RBFOX3: variants seen among roughly 807,000 people sequenced by gnomAD.
RBFOX3 encodes the protein RNA binding protein fox-1 homolog 3.
In RBFOX3, 17 loss-of-function variants were observed where a neutral mutation model predicts 48.7. The observed-to-expected ratio is 0.35, with a 90% CI of 0.24 to 0.52. RBFOX3 has a LOEUF of 0.52. RBFOX3 is among the 20% of genes least tolerant of loss of function. The pLI, the probability that RBFOX3 is intolerant of heterozygous loss-of-function variation, is 0.94. For synonymous variants in RBFOX3, 212 were observed against 209.5 expected, an observed-to-expected ratio of 1.01 and a Z score of -0.10; for missense variants, 382 against 497.5, an observed-to-expected ratio of 0.77 and a Z score of 2.21.
At chr17:79,556,916 C>A (rs1432412945) in intron 1 of RBFOX3, among the ~76,000 whole-genome samples, 1 of 152,070 alleles carries the variant, frequency 6.6e-6, no homozygotes, top group African/African-American at 2.4e-5. Context: ...GGGCTTTCCA[C>A]GTCTGTCTCC....
At chr17:79,095,430 G>T in intron 13 of RBFOX3, 83 bp downstream of exon 13, 1 of 1,292,676 alleles carries the variant, frequency 7.7e-7, no homozygotes, top group Non-Finnish European at 1.1e-6. Flanking sequence ...TACGCCTCCT[G>T]CCTGTCTGGG....
At chr17:79,302,168 G>A (rs2075412582) in intron 3 of RBFOX3, among the ~76,000 whole-genome samples, 1 of 152,292 alleles carries the variant, frequency 6.6e-6, no homozygotes, top group African/African-American at 2.4e-5. Context: ...CACCCACTGA[G>A]CTCTCACTGC....
intron 2 of RBFOX3, among the ~76,000 whole-genome samples, chr17:79,333,041 A>G: frequency 6.6e-6 from 1 of 151,900 alleles, no homozygotes; most frequent in East Asian, 1.9e-4. Flanking sequence ...AGAGACATAT[A>G]GATAGACAGA....
intron 3 of RBFOX3, among the ~76,000 whole-genome samples, chr17:79,241,123 G>A (rs1431011096): frequency 2.0e-5 from 3 of 151,794 alleles, no homozygotes; most frequent in Non-Finnish European, 4.4e-5. Flanking sequence ...CTACAGGCAA[G>A]CACCAACATG....
At position 79,436,705 on chromosome 17, in the gene RBFOX3, G is replaced by T. The variant is rs190005192; in HGVS notation, c.-175+45749C>A. ...GCCTGCTTATGTTTTAAAGGGGGAA[G>T]AAAGAAGAAAGCTCAGGACCTGAGT... is the stretch of plus-strand genomic sequence containing the variant. On this transcript the variant is annotated intron_variant, in intron 2 of 14. Transcript: ENST00000693108. 3.5e-3 allele frequency among the ~76,000 whole-genome samples: 529 copies of T among 152,262 alleles called. 4 individuals are homozygous for T. The highest frequency in any genetic ancestry group is 0.012 in the African/African-American group (507 of 41,534).
At chr17:79,112,083 C>G (rs2031858406) in intron 5 of RBFOX3, among the ~76,000 whole-genome samples, 1 of 152,208 alleles carries the variant, frequency 6.6e-6, no homozygotes, top group African/African-American at 2.4e-5. Flanking sequence ...CAGGAAGGAG[C>G]CTCCGTATTT....
chr17:79,654,259 A>C, the RBFOX3 span, among the ~76,000 whole-genome samples: 1 of 152,140 alleles, frequency 6.6e-6, no homozygotes, highest in South Asian at 2.1e-4. Flanking sequence ...CCAGTCTCTG[A>C]CCAGCTTTCG....
rs142152934 is a variant in RBFOX3 at position 79,159,423 on chromosome 17, C to T, written c.-33-43675G>A. Among the ~76,000 whole-genome samples, 817 of 152,290 alleles carry T rather than the reference C, an allele frequency of 5.4e-3. 6 individuals are homozygous for T. The highest frequency in any genetic ancestry group is 0.019 in the African/African-American group (780 of 41,564). ...CCAATGCCCCCGGCTTAGCCCAAGC[C>T]GCACAGGAAAGCCATCCTGTGGACC... On this transcript the variant is annotated intron_variant, in intron 4 of 14. Coordinates refer to ENST00000693108, the MANE Select transcript of RBFOX3 (RefSeq NM_001350451.2).
At chr17:79,267,783 T>C (rs1419367964) in intron 3 of RBFOX3, among the ~76,000 whole-genome samples, 3 of 152,108 alleles carry the variant, frequency 2.0e-5, no homozygotes, top group Non-Finnish European at 4.4e-5. Context: ...AGAGACCTCC[T>C]GAGTCATGGA....
chr17:79,175,805 G>A (rs528553957), intron 4 of RBFOX3, among the ~76,000 whole-genome samples: 30 of 152,368 alleles, frequency 2.0e-4, no homozygotes, highest in African/African-American at 6.0e-4. Flanking sequence ...GCTGCGGGGC[G>A]CAGTAGCCTC....
In RBFOX3 at chr17:79,512,430, T is replaced by A. The variant is rs554173694; in HGVS notation, c.-319-29832A>T. ...GCCAGGGGACGCACACCTGGATACA[T>A]GTTACCATCGAGTACAGTCCTATAG... On this transcript the variant is annotated intron_variant, in intron 1 of 14. Transcript: ENST00000693108. Among the ~76,000 whole-genome samples, 10 of 125,864 alleles carry A rather than the reference T, an allele frequency of 7.9e-5. No individual in the cohort carries two copies. In the East Asian group the frequency reaches 2.6e-3, roughly 32 times the overall value. The allele number at this position is 125,864 out of a possible 152,430, so 82.6% of individuals were successfully genotyped here.
At chr17:79,149,485 G>A (rs1209427822) in intron 4 of RBFOX3, among the ~76,000 whole-genome samples, 1 of 152,164 alleles carries the variant, frequency 6.6e-6, no homozygotes, top group African/African-American at 2.4e-5. Context: ...GAGTGGACCT[G>A]GCCTCAGTGA....
At chr17:79,256,853 T>C (rs1241506073) in intron 3 of RBFOX3, among the ~76,000 whole-genome samples, 1 of 150,222 alleles carries the variant, frequency 6.7e-6, no homozygotes, top group Non-Finnish European at 1.5e-5. Flanking sequence ...ACCTGGGAGG[T>C]GGAGGTTGCA....
chr17:79,381,268 A>C (rs956836978), intron 2 of RBFOX3, among the ~76,000 whole-genome samples: 5 of 152,180 alleles, frequency 3.3e-5, no homozygotes, highest in Non-Finnish European at 7.3e-5. Flanking sequence ...TCAAAAAAAA[A>C]AAAAAAGTAA....
At chr17:79,130,303 T>C (rs181447373) in intron 4 of RBFOX3, among the ~76,000 whole-genome samples, 76 of 152,234 alleles carry the variant, frequency 5.0e-4, no homozygotes, top group African/African-American at 1.8e-3. Flanking sequence ...ATCAAGAGCC[T>C]GCCCCCGCCC....
At chr17:79,138,774 ACAGCACATGCCTTCACGCCCCCTTACC>A in intron 4 of RBFOX3, among the ~76,000 whole-genome samples, 1 of 11,974 alleles carries the variant, frequency 8.4e-5, no homozygotes, top group African/African-American at 2.4e-4. Flanking sequence ...AAACATGCAC[ACAGCACATGCCTTCACGCCCCCTTACC>A]CACACACATG....
intron 1 of RBFOX3, among the ~76,000 whole-genome samples, chr17:79,569,296 G>A (rs2092581630): frequency 6.6e-6 from 1 of 152,130 alleles, no homozygotes; most frequent in Admixed American, 6.5e-5. Context: ...GTATGGATTT[G>A]TATTCCAGTT....
In RBFOX3 at chr17:79,483,544, A is replaced by T. The variant is rs376471684; in HGVS notation, c.-319-946T>A. Among the ~76,000 whole-genome samples, 331 of 132,080 alleles carry T rather than the reference A, an allele frequency of 2.5e-3. 5 individuals carry two copies. In the South Asian group the frequency reaches 0.037, roughly 15 times the overall value. The allele number at this position is 132,080 out of a possible 152,430, so 86.6% of individuals were successfully genotyped here. A position where few individuals can be genotyped will look rare whatever the true frequency, so the allele number is the denominator to read the frequency against. On this transcript the variant is annotated intron_variant, in intron 1 of 14. Coordinates refer to ENST00000693108, the MANE Select transcript of RBFOX3 (RefSeq NM_001350451.2). Reference sequence around the variant, plus strand: ...CAGGAGCAGAACACCCCATCAAAATAACCAGCATCCCTATGGCATTTCCTT... The same window carrying T: ...CAGGAGCAGAACACCCCATCAAAATTACCAGCATCCCTATGGCATTTCCTT...
chr17:79,317,623 G>T (rs2077719558), intron 2 of RBFOX3, among the ~76,000 whole-genome samples: 2 of 152,210 alleles, frequency 1.3e-5, no homozygotes, highest in Admixed American at 6.5e-5. Flanking sequence ...AAACTCAAAG[G>T]GGACAAACAC....
Sources: allele counts gnomAD v4.1 joint callset (sites outside exome capture counted in the v4.1 genomes callset), GRCh38; gene constraint gnomAD v4.1.1; transcripts MANE v1.5; gene names NCBI Gene and HGNC (gene_info 2026-07-23, HGNC 2026-07-21).